The following NEK10 variants were observed in gnomAD, a reference collection of about 807,000 sequenced individuals.
The protein encoded by NEK10 is NIMA related kinase 10, also known as serine/threonine-protein kinase Nek10.
A neutral mutation model predicts 159.8 loss-of-function variants in NEK10; 122 were observed. The ratio of observed to expected loss-of-function variants is 0.76; its 90% confidence interval spans 0.66 to 0.89. The LOEUF (loss-of-function observed/expected upper bound fraction) is 0.89, where lower values mean the gene tolerates loss of function less well. Ranked by LOEUF, NEK10 falls within the 40% of genes least tolerant of loss-of-function variation. NEK10 has a pLI of 0.00. For missense variants in NEK10, 1,342 were observed against 1,323.1 expected, an observed-to-expected ratio of 1.01 and a Z score of -0.22; for synonymous variants, 466 against 457.1, an observed-to-expected ratio of 1.02 and a Z score of -0.25.
chr3:27,216,281 A>G (rs1951521872), intron 23 of NEK10: 1 of 171,072 alleles, frequency 5.8e-6, no homozygotes, highest in Non-Finnish European at 1.2e-5. Flanking sequence ...TTACAAATTC[A>G]ATACAGTAAA....
intron 22 of NEK10, among the ~76,000 whole-genome samples, chr3:27,264,611 G>A (rs1198129313): frequency 6.6e-6 from 1 of 152,080 alleles, no homozygotes; most frequent in African/African-American, 2.4e-5. Context: ...AAATTAATTG[G>A]CCAAGCCTGG....
At chr3:27,313,264 C>CAA (rs35978667) in intron 7 of NEK10, among the ~76,000 whole-genome samples, 11 of 134,318 alleles carry the variant, frequency 8.2e-5, no homozygotes, top group Admixed American at 4.5e-4. Flanking sequence ...GACCCTATCT[C>CAA]AAAAAAAAAA....
intron 1 of NEK10, among the ~76,000 whole-genome samples, chr3:27,355,535 C>T (rs1276882370): frequency 6.6e-6 from 1 of 151,996 alleles, no homozygotes; most frequent in Admixed American, 6.6e-5. Flanking sequence ...CCTCTCTTTC[C>T]TCTACCTCCC....
intron 19 of NEK10, among the ~76,000 whole-genome samples, chr3:27,288,425 C>T (rs2042772479): frequency 6.6e-6 from 1 of 152,120 alleles, no homozygotes; most frequent in Non-Finnish European, 1.5e-5. Flanking sequence ...CCCTTGACAT[C>T]CAATTAAGTT....
chr3:27,256,371 G>T lies in NEK10; in HGVS notation c.2015C>A (p.Thr672Asn). ...TTTTTGCTTTGCCAGGCCAAAGTCA[G>T]CTACAATTCACAAAACAACGCAATA... ...MLGDKDKVTV[T>N]DFGLAKQKQE... Residue 672 changes from threonine to asparagine, a missense_variant and splice_region_variant, in exon 23 of 36, where the codon ACT becomes AAT. Coordinates refer to ENST00000691995, the MANE Select transcript of NEK10 (RefSeq NM_001394966.1). 6.4e-7 allele frequency: 1 copy of T among 1,566,998 alleles called. No homozygotes were observed. Among genetic ancestry groups the T allele is most frequent in the African/African-American group, 1.4e-5 (1 of 71,444 alleles).
At chr3:27,176,648 C>A (rs1947535770) in intron 26 of NEK10, among the ~76,000 whole-genome samples, 1 of 152,198 alleles carries the variant, frequency 6.6e-6, no homozygotes, top group South Asian at 2.1e-4. Flanking sequence ...CTATCCTCAA[C>A]TGAAGTCATT....
At chr3:27,174,276 G>T in intron 28 of NEK10, 163 bp downstream of exon 28, 1 of 542,362 alleles carries the variant, frequency 1.8e-6, no homozygotes, top group Non-Finnish European at 2.4e-6. Flanking sequence ...GCTAACCTTT[G>T]GGCTCTGTCA....
chr3:27,337,570 C>A (rs1354501022), intron 5 of NEK10, among the ~76,000 whole-genome samples: 1 of 152,116 alleles, frequency 6.6e-6, no homozygotes, highest in Non-Finnish European at 1.5e-5. Flanking sequence ...CCATAGTAAC[C>A]AAAACAGCAT....
In NEK10 at chr3:27,111,338, G is replaced by T; in HGVS notation, c.3300-18C>A. ...AATGATACCTATAAGATTCAGAAGT[G>T]GAAAGAATTCTCTATAGTTACAAAT... is the stretch of plus-strand genomic sequence containing the variant. On this transcript the variant is annotated intron_variant, in intron 35 of 35. Coordinates refer to ENST00000691995, the MANE Select transcript of NEK10 (RefSeq NM_001394966.1). The T allele has an allele frequency of 6.4e-7, 1 of 1,558,712 alleles. No individual in the cohort carries two copies.
chr3:27,139,649 C>A (rs189760993), intron 31 of NEK10, among the ~76,000 whole-genome samples: 1 of 152,252 alleles, frequency 6.6e-6, no homozygotes, highest in East Asian at 1.9e-4. Context: ...CATGTTAGTT[C>A]ATGCAGCTGG....
chr3:27,174,565 T>C lies in NEK10; in HGVS notation c.2690-40A>G, dbSNP rs760819495. ...AAACAATAAAAAAGCAAATGAGTCTTGAAACAGGAAGGAGTCCAGAATACA... is the reference window on the plus strand; with the variant it reads ...AAACAATAAAAAAGCAAATGAGTCTCGAAACAGGAAGGAGTCCAGAATACA... On this transcript the variant is annotated intron_variant, in intron 27 of 35. Coordinates refer to ENST00000691995, the MANE Select transcript of NEK10 (RefSeq NM_001394966.1). 4.1e-5 allele frequency: 66 copies of C among 1,601,682 alleles called. 4 individuals carry two copies. The South Asian group carries it at 7.4e-4, about 18-fold the overall frequency.
chr3:27,162,770 C>T, intron 29 of NEK10, 32 bp from the exon 30 acceptor site: 1 of 1,613,874 alleles, frequency 6.2e-7, no homozygotes, highest in Non-Finnish European at 8.5e-7. Flanking sequence ...ATTAGAATGA[C>T]CTGTTCAACT....
At position 27,195,700 on chromosome 3, in the gene NEK10, A is replaced by T. The variant is rs150552766; in HGVS notation, c.2292-3458T>A. 9.6e-3 allele frequency among the ~76,000 whole-genome samples: 1,460 copies of T among 152,326 alleles called. 13 individuals are homozygous for T. Among genetic ancestry groups the T allele is most frequent in the Non-Finnish European group, 0.014 (974 of 68,030 alleles). ...AAATGCTGCTTACTATTTGAGAGTT[A>T]ATGAATGTTCCAGGTCTCAGATTAC... On this transcript the variant is annotated intron_variant, in intron 25 of 35. Transcript: ENST00000691995.
At chr3:27,158,282 C>CTTCTA in intron 30 of NEK10, among the ~76,000 whole-genome samples, 1 of 151,972 alleles carries the variant, frequency 6.6e-6, no homozygotes, top group Non-Finnish European at 1.5e-5. Context: ...TGACTAAAAC[C>CTTCTA]TGTGAGCAAA....
chr3:27,214,757 C>T, intron 23 of NEK10: 1 of 772,556 alleles, frequency 1.3e-6, no homozygotes, highest in Non-Finnish European at 2.4e-6. Flanking sequence ...CATAATTTCT[C>T]TTGTCCTCCC....
At chr3:27,195,406 G>T (rs1949475877) in intron 25 of NEK10, among the ~76,000 whole-genome samples, 1 of 152,050 alleles carries the variant, frequency 6.6e-6, no homozygotes, top group Admixed American at 6.5e-5. Flanking sequence ...ATATGCAATT[G>T]CATATAATTC....
intron 29 of NEK10, among the ~76,000 whole-genome samples, chr3:27,164,222 T>C (rs1171789100): frequency 1.3e-5 from 2 of 152,156 alleles, no homozygotes; most frequent in African/African-American, 4.8e-5. Flanking sequence ...TCAGAAAGTT[T>C]GAAAAGAGGC....
intron 32 of NEK10, among the ~76,000 whole-genome samples, chr3:27,127,129 T>C (rs925480069): frequency 6.6e-6 from 1 of 152,142 alleles, no homozygotes; most frequent in East Asian, 1.9e-4. Flanking sequence ...TTAAAACATG[T>C]TCAATCTTGC....
chr3:27,275,446 T>C (rs1170551585), intron 22 of NEK10, among the ~76,000 whole-genome samples: 1 of 152,150 alleles, frequency 6.6e-6, no homozygotes, highest in African/African-American at 2.4e-5. Flanking sequence ...TGAGAAAAAT[T>C]CCATGGTGAT....
Sources: allele counts gnomAD v4.1 joint callset (sites outside exome capture counted in the v4.1 genomes callset), GRCh38; gene constraint gnomAD v4.1.1; transcripts MANE v1.5; gene names NCBI Gene and HGNC (gene_info 2026-07-23, HGNC 2026-07-21).